The following MAML2 variants were observed in gnomAD, a reference collection of about 807,000 sequenced individuals.
MAML2 encodes mastermind like transcriptional coactivator 2, also known as mastermind-like protein 2.
In MAML2, 22 loss-of-function variants were observed where a neutral mutation model predicts 96.1. The observed-to-expected ratio is 0.23, with a 90% CI of 0.16 to 0.33. MAML2 has a LOEUF of 0.33. Among genes scored for constraint, MAML2 ranks in the 10% least tolerant of loss-of-function variants. The probability of loss-of-function intolerance (pLI) is 1.00; values close to 1 mark genes in which losing one functional copy is unlikely to be tolerated. For synonymous variants in MAML2, 561 were observed against 521.3 expected (o/e 1.08, Z -1.04); for missense variants, 1,367 against 1,392.4 (o/e 0.98, Z 0.29).
intron 1 of MAML2, among the ~76,000 whole-genome samples, chr11:96,298,335 A>G (rs1188699741): frequency 1.3e-5 from 2 of 152,236 alleles, no homozygotes; most frequent in Non-Finnish European, 2.9e-5. Flanking sequence ...TGAGGATGGA[A>G]TGGCTGAGGT....
intron 4 of MAML2, among the ~76,000 whole-genome samples, chr11:95,981,739 T>C (rs1232838503): frequency 6.6e-6 from 1 of 152,178 alleles, no homozygotes; most frequent in Non-Finnish European, 1.5e-5. Flanking sequence ...GAACAATAAC[T>C]GAGATGACAT....
intron 1 of MAML2, among the ~76,000 whole-genome samples, chr11:96,165,559 G>A (rs911989863): frequency 2.0e-5 from 3 of 151,966 alleles, no homozygotes; most frequent in Non-Finnish European, 4.4e-5. Context: ...TAAAAAAATG[G>A]CTTTATTGAG....
At chr11:96,213,500 C>A (rs1555025177) in intron 1 of MAML2, among the ~76,000 whole-genome samples, 1 of 152,176 alleles carries the variant, frequency 6.6e-6, no homozygotes, top group Non-Finnish European at 1.5e-5. Context: ...TATAAAATAT[C>A]CTTTCTTTCT....
At chr11:96,313,320 C>T (rs1232368229) in intron 1 of MAML2, among the ~76,000 whole-genome samples, 1 of 152,142 alleles carries the variant, frequency 6.6e-6, no homozygotes, top group East Asian at 1.9e-4. Flanking sequence ...ATCCTTCATC[C>T]CCATCTCAGA....
At chr11:96,232,997 T>C (rs1266277935) in intron 1 of MAML2, among the ~76,000 whole-genome samples, 2 of 152,182 alleles carry the variant, frequency 1.3e-5, no homozygotes, top group East Asian at 3.8e-4. Context: ...AATCCCAATA[T>C]CCTATCATGT....
At chr11:96,250,725 C>A (rs921320460) in intron 1 of MAML2, among the ~76,000 whole-genome samples, 12 of 152,192 alleles carry the variant, frequency 7.9e-5, no homozygotes, top group African/African-American at 2.7e-4. Context: ...GACAAGTGTT[C>A]AATTTCTCTG....
chr11:95,996,641 T>C (rs943154087), intron 2 of MAML2, among the ~76,000 whole-genome samples: 4 of 152,202 alleles, frequency 2.6e-5, no homozygotes, highest in African/African-American at 9.7e-5. Flanking sequence ...TTTGAATTCA[T>C]GATTGAAGTA....
At chr11:96,300,033 T>G (rs1181829510) in intron 1 of MAML2, among the ~76,000 whole-genome samples, 2 of 151,956 alleles carry the variant, frequency 1.3e-5, no homozygotes, top group Non-Finnish European at 2.9e-5. Flanking sequence ...GTGGAGATAA[T>G]AGAGGTTTTA....
chr11:96,112,361 G>A (rs948413473), intron 1 of MAML2, among the ~76,000 whole-genome samples: 12 of 152,250 alleles, frequency 7.9e-5, no homozygotes, highest in African/African-American at 2.9e-4. Flanking sequence ...CATGACCTGG[G>A]GCAGTGTCCA....
chr11:96,136,463 A>G (rs1860634523), intron 1 of MAML2, among the ~76,000 whole-genome samples: 1 of 152,148 alleles, frequency 6.6e-6, no homozygotes, highest in African/African-American at 2.4e-5. Context: ...AAACCCCACC[A>G]TGATTATCTC....
intron 1 of MAML2, among the ~76,000 whole-genome samples, chr11:96,232,563 C>T (rs1208094987): frequency 1.3e-5 from 2 of 152,014 alleles, no homozygotes; most frequent in Admixed American, 1.3e-4. Flanking sequence ...TCCGCCTCCC[C>T]GGTTCATGCC....
chr11:96,211,731 G>A (rs2135939090), intron 1 of MAML2, among the ~76,000 whole-genome samples: 1 of 152,232 alleles, frequency 6.6e-6, no homozygotes, highest in East Asian at 1.9e-4. Flanking sequence ...GAAAGGGGTT[G>A]GAGCTCTAAT....
At chr11:96,039,198 G>C (rs559932067) in intron 2 of MAML2, among the ~76,000 whole-genome samples, 2 of 152,030 alleles carry the variant, frequency 1.3e-5, no homozygotes, top group African/African-American at 4.8e-5. Flanking sequence ...GAGGTTTCAG[G>C]GAGCCATGAT....
intron 2 of MAML2, among the ~76,000 whole-genome samples, chr11:96,033,940 CATTT>C (rs1235135583): frequency 6.6e-6 from 1 of 152,158 alleles, no homozygotes; most frequent in Non-Finnish European, 1.5e-5. Flanking sequence ...ATGAAGGCTT[CATTT>C]GTTAGGCATG....
chr11:96,216,529 C>T (rs1591077717), intron 1 of MAML2, among the ~76,000 whole-genome samples: 1 of 152,130 alleles, frequency 6.6e-6, no homozygotes, highest in Non-Finnish European at 1.5e-5. Context: ...GGAAGTTTTA[C>T]ATGGGTATGT....
At chr11:96,199,804 A>G (rs1032256996) in intron 1 of MAML2, among the ~76,000 whole-genome samples, 2 of 152,260 alleles carry the variant, frequency 1.3e-5, no homozygotes, top group Admixed American at 6.5e-5. Flanking sequence ...CAGTGACAAC[A>G]TTAATTGGCA....
rs192717345 is a variant in MAML2 at position 96,139,583 on chromosome 11, C to T, written c.514-46066G>A. ...ATATTTAAGAGAGAATAAGAAATCC[C>T]CAACCATGTTAAATTCTTTACCAAG... On this transcript the variant is annotated intron_variant, in intron 1 of 4. Transcript: ENST00000524717. Among the ~76,000 whole-genome samples the T allele has an allele frequency of 2.5e-3, 385 of 151,298 alleles. 6 individuals carry two copies. The highest frequency in any genetic ancestry group is 0.018 in the Admixed American group (276 of 15,210).
rs71040130 is a variant in MAML2, at chr11:96,121,950, C to CTTTTTTTTTTTTTT, written c.514-28447_514-28434dup. ...TACAGGCACCCGCCACCACGCCCGG[C>CTTTTTTTTTTTTTT]TTTTTTTTTTTTTTTTTTTTTTTTT... is the stretch of plus-strand genomic sequence containing the variant. On this transcript the variant is annotated intron_variant, in intron 1 of 4. Transcript: ENST00000524717. Among the ~76,000 whole-genome samples, 61 of 56,844 alleles carry CTTTTTTTTTTTTTT rather than the reference C, an allele frequency of 1.1e-3. 1 individual carries two copies. The highest frequency in any genetic ancestry group is 1.3e-3 in the Admixed American group (5 of 3,958). The allele number at this position is 56,844 out of a possible 152,430, so 37.3% of individuals were successfully genotyped here. A position where few individuals can be genotyped will look rare whatever the true frequency, so the allele number is the denominator to read the frequency against.
intron 2 of MAML2, among the ~76,000 whole-genome samples, chr11:96,073,690 T>C (rs575261719): frequency 2.6e-5 from 4 of 152,200 alleles, no homozygotes; most frequent in Non-Finnish European, 4.4e-5. Flanking sequence ...AAGAGTATGA[T>C]GTGGTTGGCA....
Sources: gnomAD v4.1 joint callset for allele counts (sites outside exome capture counted in the v4.1 genomes callset) on GRCh38, gnomAD v4.1.1 for gene constraint, MANE v1.5 for transcripts, NCBI Gene and HGNC (gene_info 2026-07-23, HGNC 2026-07-21) for gene names.